The following PRG4 variants were observed in gnomAD, a reference collection of about 807,000 sequenced individuals.
The protein encoded by PRG4 is proteoglycan 4.
PRG4 carries 61 observed loss-of-function variants against 91.2 expected under a neutral mutation model. The observed-to-expected ratio is 0.67, with a 90% CI of 0.54 to 0.83. PRG4 has a LOEUF of 0.83. Ranked by LOEUF, PRG4 falls within the 40% of genes least tolerant of loss-of-function variation. PRG4 has a pLI of 0.00. For synonymous variants in PRG4, 576 were observed against 614.2 expected (o/e 0.94, Z 0.92); for missense variants, 1,564 against 1,714.2 (o/e 0.91, Z 1.55).
At position 186,307,745 on chromosome 1, in the gene PRG4, A is replaced by T. The variant is rs567164109; in HGVS notation, c.2026A>T (p.Thr676Ser). Residue 676 changes from threonine to serine, a missense_variant, in exon 7 of 13, where the codon ACC becomes TCC. Transcript: ENST00000445192. ...PTTPKAAAPN[T>S]PKEPAPTTPK... The stretch of plus-strand genomic sequence containing the variant: ...CACTCCCAAGGCAGCGGCTCCCAAC[A>T]CCCCTAAGGAGCCTGCTCCAACTAC... The T allele has an allele frequency of 1.9e-6, 3 of 1,606,860 alleles. No homozygotes were observed. Among genetic ancestry groups the T allele is most frequent in the Non-Finnish European group, 8.5e-7 (1 of 1,177,614 alleles).
chr1:186,297,302 A>T (rs1043259111), intron 2 of PRG4, among the ~76,000 whole-genome samples: 11 of 152,204 alleles, frequency 7.2e-5, no homozygotes, highest in African/African-American at 2.7e-4. Context: ...ATAACATGTA[A>T]TTTTTGCCTA....
chr1:186,307,748 C>T lies in PRG4; in HGVS notation c.2029C>T (p.Pro677Ser). ...TCCCAAGGCAGCGGCTCCCAACACC[C>T]CTAAGGAGCCTGCTCCAACTACCCC... Reference protein sequence around the residue: ...TTPKAAAPNTPKEPAPTTPKE... With the variant: ...TTPKAAAPNTSKEPAPTTPKE... Residue 677 changes from proline (P) to serine (S), a missense_variant, in exon 7 of 13, where the codon CCT (proline) becomes TCT (serine). This residue lies in a region of PRG4 where 1,079 missense variants were observed against 1,162.2 expected (regional missense o/e 0.93). Coordinates refer to ENST00000445192, the MANE Select transcript of PRG4 (RefSeq NM_005807.6). 1.2e-6 allele frequency: 2 copies of T among 1,610,558 alleles called. No individual in the cohort carries two copies. The highest frequency in any genetic ancestry group is 3.3e-5 in the Admixed American group (2 of 59,820).
intron 6 of PRG4, among the ~76,000 whole-genome samples, 167 bp downstream of exon 6, chr1:186,305,089 T>G (rs1656470210): frequency 6.6e-6 from 1 of 152,184 alleles, no homozygotes; most frequent in East Asian, 1.9e-4. Context: ...TACAGGAAAT[T>G]AGTGCCAAGC....
At chr1:186,305,322 A>G (rs971180530) in intron 6 of PRG4, among the ~76,000 whole-genome samples, 1 of 152,208 alleles carries the variant, frequency 6.6e-6, no homozygotes, top group Non-Finnish European at 1.5e-5. Context: ...GTGTTTTACA[A>G]GTATTAACTC....
chr1:186,305,889 G>C (rs1029944611), intron 6 of PRG4, among the ~76,000 whole-genome samples: 7 of 152,198 alleles, frequency 4.6e-5, no homozygotes, highest in Non-Finnish European at 8.8e-5. Flanking sequence ...AGATTGCTCA[G>C]AGGTAGCTGT....
rs775478254 is a variant in PRG4, at chr1:186,308,664, C to T, written c.2945C>T (p.Ala982Val). The change falls in exon 7 of 13, where the codon GCA becomes GTA. Residue 982 changes from alanine to valine, a missense_variant. By Grantham distance (64) the Ala-to-Val change is moderately conservative. This residue lies in a region of PRG4 where 1,079 missense variants were observed against 1,162.2 expected (regional missense o/e 0.93). Coordinates refer to ENST00000445192, the MANE Select transcript of PRG4 (RefSeq NM_005807.6). ...KITTLKTTTL[A>V]PKVTTTKKTI... is the part of the protein sequence containing the mutation. ...ACTACTCTTAAAACAACTACTCTTG[C>T]ACCCAAAGTAACTACAACAAAAAAG... 1 of 1,611,784 alleles carries T rather than the reference C, an allele frequency of 6.2e-7. No homozygotes were observed. Among genetic ancestry groups the T allele is most frequent in the Middle Eastern group, 1.7e-4 (1 of 6,046 alleles).
chr1:186,314,024 C>T lies in PRG4; in HGVS notation c.*246C>T, dbSNP rs747561592. On this transcript the variant is annotated 3_prime_UTR_variant, in exon 13 of 13. Coordinates refer to ENST00000445192, the MANE Select transcript of PRG4 (RefSeq NM_005807.6). Reference sequence around the variant, plus strand: ...CCTCTCCCTCCCATTGCATGGCTCACACCTGTAAAAGAAAAAAGAATCAAA... The same window carrying T: ...CCTCTCCCTCCCATTGCATGGCTCATACCTGTAAAAGAAAAAAGAATCAAA... 2 of 1,610,034 alleles carry T rather than the reference C, an allele frequency of 1.2e-6. No individual in the cohort carries two copies. Among genetic ancestry groups the T allele is most frequent in the Admixed American group, 1.7e-5 (1 of 59,860 alleles).
Position 186,307,583 on chromosome 1 carries a change from A to AAGAAGCTCACGCCCACCACCCCCG in PRG4, c.1873_1896dup (p.Thr625_Leu632dup), listed in dbSNP as rs753927254. The AAGAAGCTCACGCCCACCACCCCCG allele has an allele frequency of 7.3e-7, 1 of 1,360,856 alleles. No homozygotes were observed. Among genetic ancestry groups the AAGAAGCTCACGCCCACCACCCCCG allele is most frequent in the South Asian group, 1.2e-5 (1 of 82,854 alleles). 84.3% of individuals were successfully genotyped at this position (1,360,856 alleles called of 1,614,324 possible). A position where few individuals can be genotyped will look rare whatever the true frequency, so the allele number is the denominator to read the frequency against. On this transcript the variant is annotated inframe_insertion, in exon 7 of 13. Coordinates refer to ENST00000445192, the MANE Select transcript of PRG4 (RefSeq NM_005807.6). ...CAAGGAGACTGCACCCACCACCCCC[A>AAGAAGCTCACGCCCACCACCCCCG]AGAAGCTCACGCCCACCACCCCCGA...
rs1016193227 is a variant in PRG4, at chr1:186,303,543, C to T, written c.320-565C>T. Among the ~76,000 whole-genome samples the T allele has an allele frequency of 3.3e-5, 5 of 150,476 alleles. No homozygotes were observed. In the South Asian group the frequency reaches 1.1e-3, roughly 32 times the overall value. On this transcript the variant is annotated intron_variant, in intron 4 of 12. Coordinates refer to ENST00000445192, the MANE Select transcript of PRG4 (RefSeq NM_005807.6). ...AGGGGACTAAAAGGTTAAAAAGATA[C>T]ACACCAAACCATTAAGTTGTATCTT...
In PRG4 at chr1:186,296,879, G is replaced by T. The variant is rs143556920; in HGVS notation, c.4G>T (p.Ala2Ser). Residue 2 changes from alanine to serine, a missense_variant, in exon 2 of 13, where the codon GCA becomes TCA. Transcript: ENST00000445192. ...CCTACGGTACCTGAAAACAACGATG[G>T]CATGGAAAACACTTCCCATTTACCT... M[A>S]WKTLPIYLLL... 1.9e-6 allele frequency: 3 copies of T among 1,613,592 alleles called. No individual in the cohort carries two copies. In the Admixed American group the frequency reaches 5.0e-5, roughly 27 times the overall value.
At chr1:186,306,264 C>T in intron 6 of PRG4, 54 bp from the exon 7 acceptor site, 3 of 1,385,224 alleles carry the variant, frequency 2.2e-6, no homozygotes, top group Non-Finnish European at 3.0e-6. Context: ...CTTTATGTCA[C>T]TATTAAAGAA....
intron 7 of PRG4, among the ~76,000 whole-genome samples, 166 bp from the exon 8 acceptor site, chr1:186,309,622 TAAGTA>T (rs1450777139): frequency 3.3e-5 from 5 of 152,220 alleles, no homozygotes; most frequent in Admixed American, 2.6e-4. Context: ...GTATCATCTT[TAAGTA>T]AAATGGAATT....
In PRG4 at chr1:186,307,743, A is replaced by G. The variant is rs1417397547; in HGVS notation, c.2024A>G (p.Asn675Ser). The change falls in exon 7 of 13, where the codon AAC becomes AGC. Residue 675 changes from asparagine to serine, a missense_variant. This residue lies in a region of PRG4 where 1,079 missense variants were observed against 1,162.2 expected (regional missense o/e 0.93). Coordinates refer to ENST00000445192, the MANE Select transcript of PRG4 (RefSeq NM_005807.6). ...APTTPKAAAP[N>S]TPKEPAPTTP... ...ACCACTCCCAAGGCAGCGGCTCCCA[A>G]CACCCCTAAGGAGCCTGCTCCAACT... The G allele has an allele frequency of 1.9e-6, 3 of 1,554,022 alleles. No homozygotes were observed. The highest frequency in any genetic ancestry group is 2.3e-5 in the South Asian group (2 of 88,200).
chr1:186,313,920 C>T lies in PRG4; in HGVS notation c.*142C>T. On this transcript the variant is annotated 3_prime_UTR_variant, in exon 13 of 13. Coordinates refer to ENST00000445192, the MANE Select transcript of PRG4 (RefSeq NM_005807.6). ...GTTTTTAAACTTGACAATCATTACA[C>T]TAAAACAGATTTGATAATCTTATTC... The T allele has an allele frequency of 1.3e-6, 2 of 1,585,194 alleles. No individual in the cohort carries two copies. The highest frequency in any genetic ancestry group is 1.7e-6 in the Non-Finnish European group (2 of 1,155,584).
At chr1:186,304,702 A>G in intron 5 of PRG4, 92 bp from the exon 6 acceptor site, 2 of 1,461,360 alleles carry the variant, frequency 1.4e-6, no homozygotes, top group Admixed American at 1.8e-5. Flanking sequence ...CTTGTAGACT[A>G]GTAAATAGCA....
intron 3 of PRG4, 28 bp downstream of exon 3, chr1:186,300,241 T>C (rs765590238): frequency 3.1e-6 from 5 of 1,613,228 alleles, no homozygotes; most frequent in African/African-American, 2.7e-5. Flanking sequence ...GTGTCTCCTC[T>C]GTCAAGCAAC....
At position 186,307,928 on chromosome 1, in the gene PRG4, A is replaced by G. The variant is rs770834151; in HGVS notation, c.2209A>G (p.Thr737Ala). 111 of 1,607,012 alleles carry G rather than the reference A, an allele frequency of 6.9e-5. No homozygotes were observed. The highest frequency in any genetic ancestry group is 7.5e-5 in the Non-Finnish European group (88 of 1,178,464). ...KPAPKELAPT[T>A]TKEPTSTTSD... ...TGCCCCCAAGGAGCTTGCACCCACCACCACCAAGGAGCCCACATCCACCAC... is the reference window on the plus strand; with the variant it reads ...TGCCCCCAAGGAGCTTGCACCCACCGCCACCAAGGAGCCCACATCCACCAC... Residue 737 changes from threonine to alanine, a missense_variant, in exon 7 of 13, where the codon ACC (threonine) becomes GCC (alanine). Thr to Ala is a moderately conservative substitution (Grantham distance 58). This residue lies in a region of PRG4 where 1,079 missense variants were observed against 1,162.2 expected (regional missense o/e 0.93). Transcript: ENST00000445192.
intron 5 of PRG4, among the ~76,000 whole-genome samples, 171 bp from the exon 6 acceptor site, chr1:186,304,623 G>C (rs1376434368): frequency 6.6e-6 from 1 of 152,170 alleles, no homozygotes; most frequent in Non-Finnish European, 1.5e-5. Context: ...ATAAGCCCAG[G>C]TGCCTTGCTT....
rs779954280 is a variant in PRG4 at position 186,312,270 on chromosome 1, A to G, written c.3889A>G (p.Thr1297Ala). The G allele has an allele frequency of 6.2e-7, 1 of 1,614,108 alleles. No homozygotes were observed. The highest frequency in any genetic ancestry group is 1.1e-5 in the South Asian group (1 of 91,082). The change falls in exon 11 of 13, where the codon ACA (threonine) becomes GCA (alanine). Residue 1297 changes from threonine to alanine, a missense_variant. Physicochemically the swap from Thr to Ala is moderately conservative, Grantham distance 58 (BLOSUM62 0). Coordinates refer to ENST00000445192, the MANE Select transcript of PRG4 (RefSeq NM_005807.6). Reference sequence around the variant, plus strand: ...AAATTATCCAGTGTATGGAGAAACGACACAGGTTAGGAGACGTCGCTTTGA... The same window carrying G: ...AAATTATCCAGTGTATGGAGAAACGGCACAGGTTAGGAGACGTCGCTTTGA... ...ALNYPVYGET[T>A]QVRRRRFERA...
Sources: allele counts gnomAD v4.1 joint callset (sites outside exome capture counted in the v4.1 genomes callset), GRCh38; gene constraint gnomAD v4.1.1; regional missense constraint gnomAD v4.1.1; transcripts MANE v1.5; gene names NCBI Gene and HGNC (gene_info 2026-07-23, HGNC 2026-07-21).